Variants in PKIB observed in about 807,000 individuals in gnomAD.
PKIB encodes the protein cAMP-dependent protein kinase inhibitor beta, also known as PKI-beta.
PKIB carries 2 observed loss-of-function variants against 4.5 expected under a neutral mutation model. The ratio of observed to expected loss-of-function variants is 0.44; its 90% CI spans 0.18 to 1.39. The LOEUF is 1.39. Ranked by LOEUF, PKIB falls within the 40% of genes most tolerant of loss-of-function variation. The pLI, the probability that PKIB is intolerant of heterozygous loss-of-function variation, is 0.27. For missense variants in PKIB, 94 were observed against 92.6 expected (o/e 1.02, Z -0.06); for synonymous variants, 38 against 36.0 (o/e 1.06, Z -0.20).
At chr6:122,633,680 GC>G (rs896917631) in intron 2 of PKIB, among the ~76,000 whole-genome samples, 1 of 152,122 alleles carries the variant, frequency 6.6e-6, no homozygotes, top group Admixed American at 6.6e-5. Context: ...TATAGAGGCA[GC>G]TAGCCCATCA....
In PKIB at chr6:122,610,438, G is replaced by C. The variant is rs1445248250; in HGVS notation, c.-258G>C. On this transcript the variant is annotated 5_prime_UTR_variant, in exon 1 of 5. Transcript: ENST00000368452. The stretch of plus-strand genomic sequence containing the variant: ...CCGCATCCCGGTGGACTGTAGAGGC[G>C]GCAGCGAGCTAGAGCCCGAGTCGCA... 1 of 152,274 alleles carries C rather than the reference G, an allele frequency of 6.6e-6. No individual in the cohort carries two copies. Among genetic ancestry groups the C allele is most frequent in the African/African-American group, 2.4e-5 (1 of 41,468 alleles). 9.4% of individuals were successfully genotyped at this position (152,274 alleles called of 1,614,324 possible).
At chr6:122,559,288 A>G (rs1033455172) in intron 2 of PKIB, among the ~76,000 whole-genome samples, 1 of 151,286 alleles carries the variant, frequency 6.6e-6, no homozygotes, top group Non-Finnish European at 1.5e-5. Flanking sequence ...AATTATATAT[A>G]TAATATATAT....
chr6:122,599,581 C>T (rs1774290732), intron 3 of PKIB, among the ~76,000 whole-genome samples: 1 of 152,070 alleles, frequency 6.6e-6, no homozygotes, highest in African/African-American at 2.4e-5. Flanking sequence ...AGACAGAATC[C>T]CTTCATTCAT....
chr6:122,564,271 A>G (rs111558500), intron 2 of PKIB, among the ~76,000 whole-genome samples: 205 of 152,216 alleles, frequency 1.3e-3, no homozygotes, highest in African/African-American at 4.7e-3. Context: ...TTGTTCTTGC[A>G]CTTGATCTGG....
At chr6:122,582,301 A>G (rs1033930773) in intron 2 of PKIB, among the ~76,000 whole-genome samples, 3 of 151,930 alleles carry the variant, frequency 2.0e-5, no homozygotes, top group Non-Finnish European at 4.4e-5. Context: ...ATTTTCTCCT[A>G]TTTGCCACAA....
chr6:122,659,572 G>C (rs1245127898), intron 2 of PKIB, among the ~76,000 whole-genome samples: 1 of 151,788 alleles, frequency 6.6e-6, no homozygotes, highest in African/African-American at 2.4e-5. Flanking sequence ...ACAGTGAAAC[G>C]GCAAGAGTGA....
chr6:122,552,954 T>C (rs1275491031), intron 2 of PKIB, among the ~76,000 whole-genome samples: 4 of 152,182 alleles, frequency 2.6e-5, no homozygotes, highest in African/African-American at 9.7e-5. Context: ...TCCTTATATC[T>C]GCTATTCCTA....
chr6:122,539,706 A>G (rs1255863747), intron 2 of PKIB, among the ~76,000 whole-genome samples: 1 of 151,862 alleles, frequency 6.6e-6, no homozygotes, highest in Non-Finnish European at 1.5e-5. Context: ...AAAATGAGTT[A>G]GGGAGGATTC....
intron 4 of PKIB, among the ~76,000 whole-genome samples, chr6:122,720,714 T>A (rs1468068523): frequency 1.3e-5 from 2 of 152,138 alleles, no homozygotes; most frequent in African/African-American, 4.8e-5. Context: ...GTATTTTTTT[T>A]TTTTGAGACG....
chr6:122,607,991 C>T (rs1474760300), upstream of PKIB, among the ~76,000 whole-genome samples: 1 of 152,190 alleles, frequency 6.6e-6, no homozygotes, highest in Admixed American at 6.5e-5. Flanking sequence ...TCTGGTATTA[C>T]TGTTGGTGGC....
At chr6:122,686,297 T>G (rs1270149501) in intron 3 of PKIB, among the ~76,000 whole-genome samples, 2 of 152,252 alleles carry the variant, frequency 1.3e-5, no homozygotes, top group East Asian at 3.9e-4. Context: ...CCTTTTCTTC[T>G]CATCCTCACC....
At chr6:122,611,119 C>T (rs961245884) in intron 1 of PKIB, among the ~76,000 whole-genome samples, 1 of 152,230 alleles carries the variant, frequency 6.6e-6, no homozygotes, top group Non-Finnish European at 1.5e-5. Flanking sequence ...TTTCCCTGCT[C>T]CTAGGACCCC....
chr6:122,695,692 A>G (rs1194537791), intron 3 of PKIB, among the ~76,000 whole-genome samples: 1 of 152,124 alleles, frequency 6.6e-6, no homozygotes, highest in Non-Finnish European at 1.5e-5. Flanking sequence ...TAAATTTATA[A>G]GGGCCTATGA....
At chr6:122,716,002 A>G (rs1485782881) in intron 3 of PKIB, among the ~76,000 whole-genome samples, 1 of 152,148 alleles carries the variant, frequency 6.6e-6, no homozygotes, top group Non-Finnish European at 1.5e-5. Context: ...TGGGAGGTTT[A>G]ACTAATGTAA....
chr6:122,534,664 A>G (rs1307019104), intron 2 of PKIB, among the ~76,000 whole-genome samples: 2 of 151,964 alleles, frequency 1.3e-5, no homozygotes, highest in African/African-American at 2.4e-5. Context: ...AAAAATATAT[A>G]ATATAATATA....
At chr6:122,537,442 G>T (rs539474535) in intron 2 of PKIB, among the ~76,000 whole-genome samples, 1 of 151,786 alleles carries the variant, frequency 6.6e-6, no homozygotes, top group African/African-American at 2.4e-5. Flanking sequence ...TTGGTTTTTT[G>T]TCCTTGTGAT....
chr6:122,721,311 A>G (rs191007080), intron 4 of PKIB, among the ~76,000 whole-genome samples: 29 of 152,334 alleles, frequency 1.9e-4, no homozygotes, highest in Middle Eastern at 3.4e-3. Flanking sequence ...TGTTTCATAG[A>G]AATTATTTTG....
intron 3 of PKIB, among the ~76,000 whole-genome samples, chr6:122,598,430 T>C (rs1290478036): frequency 1.3e-5 from 2 of 152,150 alleles, no homozygotes; most frequent in Non-Finnish European, 2.9e-5. Flanking sequence ...AGTTGAGTGC[T>C]GCCACTTGGC....
intron 3 of PKIB, chr6:122,700,975 A>C (rs1778790651): frequency 6.3e-6 from 1 of 159,398 alleles, no homozygotes; most frequent in African/African-American, 2.4e-5. Flanking sequence ...TGCTGAGCCC[A>C]GGCATACTGG....
Sources: allele counts gnomAD v4.1 joint callset (sites outside exome capture counted in the v4.1 genomes callset), GRCh38; gene constraint gnomAD v4.1.1; transcripts MANE v1.5; gene names NCBI Gene and HGNC (gene_info 2026-07-23, HGNC 2026-07-21).